Variants in DCDC1 observed in about 807,000 individuals in gnomAD.
DCDC1 encodes the protein doublecortin domain containing 1, also known as doublecortin domain-containing protein 1.
A neutral mutation model predicts 178.3 loss-of-function variants in DCDC1; 200 were observed. The ratio of observed to expected loss-of-function variants is 1.12; its 90% CI spans 1.00 to 1.26. DCDC1 has a LOEUF of 1.26. DCDC1 is among the 50% of genes most tolerant of loss of function. DCDC1 has a pLI of 0.00. For synonymous variants in DCDC1, 690 were observed against 604.8 expected (o/e 1.14, Z -2.07); for missense variants, 1,983 against 1,749.2 (o/e 1.13, Z -2.38).
intron 38 of DCDC1, among the ~76,000 whole-genome samples, chr11:30,868,344 G>A (rs1415370982): frequency 7.0e-6 from 1 of 143,482 alleles, no homozygotes; most frequent in Admixed American, 7.2e-5. Flanking sequence ...TCCGCCTCCC[G>A]GGTTCCAGAG....
chr11:30,992,913 C>T (rs1951069677), intron 20 of DCDC1, among the ~76,000 whole-genome samples: 1 of 151,928 alleles, frequency 6.6e-6, no homozygotes, highest in African/African-American at 2.4e-5. Flanking sequence ...GAAGTCGATC[C>T]AACAAGTATA....
At chr11:30,993,540 T>C (rs1430519805) in intron 20 of DCDC1, among the ~76,000 whole-genome samples, 1 of 152,044 alleles carries the variant, frequency 6.6e-6, no homozygotes, top group Non-Finnish European at 1.5e-5. Flanking sequence ...AATGAAAAAC[T>C]ATTTCTAAAA....
At chr11:31,239,755 T>A (rs1488939535) in intron 9 of DCDC1, among the ~76,000 whole-genome samples, 1 of 151,924 alleles carries the variant, frequency 6.6e-6, no homozygotes, top group Non-Finnish European at 1.5e-5. Context: ...ACTAAAATGT[T>A]AAATTTTGTT....
intron 1 of DCDC1, among the ~76,000 whole-genome samples, chr11:31,351,900 T>A (rs1951094789): frequency 6.6e-6 from 1 of 152,136 alleles, no homozygotes; most frequent in Admixed American, 6.5e-5. Context: ...TTTACAGGTA[T>A]CCAAGTGACT....
In DCDC1 at chr11:31,233,771, G is replaced by A. The variant is rs570081558; in HGVS notation, c.1221+7679C>T. ...AGATCCTGATCATGTTAAAAGATTTGTCACCTTGTTAATCACAGAATGAGG... is the reference window on the plus strand; with the variant it reads ...AGATCCTGATCATGTTAAAAGATTTATCACCTTGTTAATCACAGAATGAGG... On this transcript the variant is annotated intron_variant, in intron 9 of 38. Coordinates refer to ENST00000684477, the MANE Select transcript of DCDC1 (RefSeq NM_001387274.1). Among the ~76,000 whole-genome samples, 98 of 152,244 alleles carry A rather than the reference G, an allele frequency of 6.4e-4. No individual in the cohort carries two copies. The South Asian group carries it at 0.02, about 31-fold the overall frequency.
intron 1 of DCDC1, among the ~76,000 whole-genome samples, chr11:31,342,915 A>C (rs1950619410): frequency 6.6e-6 from 1 of 152,198 alleles, no homozygotes; most frequent in African/African-American, 2.4e-5. Context: ...ACTTTCAGTG[A>C]AAGAGGTAAT....
At chr11:31,203,561 G>A (rs1228927120) in intron 9 of DCDC1, among the ~76,000 whole-genome samples, 2 of 152,058 alleles carry the variant, frequency 1.3e-5, no homozygotes, top group African/African-American at 2.4e-5. Context: ...TACTACCCAG[G>A]GGCTCCCCTG....
chr11:31,365,925 C>T (rs1156772554), intron 1 of DCDC1, among the ~76,000 whole-genome samples: 1 of 152,128 alleles, frequency 6.6e-6, no homozygotes, highest in Non-Finnish European at 1.5e-5. Flanking sequence ...GTCATTTGCT[C>T]TCTTTGGAAA....
At chr11:31,215,195 T>C (rs1323101891) in intron 9 of DCDC1, 1 of 253,136 alleles carries the variant, frequency 4.0e-6, no homozygotes, top group Non-Finnish European at 8.3e-6. Context: ...CTCGGAAGGC[T>C]GAGGCAGGAG....
intron 20 of DCDC1, among the ~76,000 whole-genome samples, chr11:31,043,725 G>A (rs1954629845): frequency 6.6e-6 from 1 of 151,788 alleles, no homozygotes; most frequent in Admixed American, 6.6e-5. Context: ...AGTAGGGTAT[G>A]TGATATTTAA....
chr11:31,310,463 C>G (rs187056796), intron 3 of DCDC1, among the ~76,000 whole-genome samples: 1 of 151,478 alleles, frequency 6.6e-6, no homozygotes, highest in Non-Finnish European at 1.5e-5. Context: ...AGACTACAGG[C>G]GCATGCAACC....
intron 37 of DCDC1, among the ~76,000 whole-genome samples, chr11:30,878,981 T>C (rs1942399001): frequency 6.6e-6 from 1 of 152,058 alleles, no homozygotes; most frequent in Admixed American, 6.6e-5. Flanking sequence ...GTCTAAAAAT[T>C]GCACCCACTG....
chr11:30,989,163 G>A (rs1246560948), intron 20 of DCDC1, among the ~76,000 whole-genome samples: 3 of 152,178 alleles, frequency 2.0e-5, no homozygotes, highest in African/African-American at 7.2e-5. Flanking sequence ...TTGAAAAGGA[G>A]TGTTCAGTGA....
intron 36 of DCDC1, among the ~76,000 whole-genome samples, chr11:30,890,120 A>G (rs687765): frequency 0.012 from 1,761 of 152,326 alleles, 31 homozygotes; most frequent in African/African-American, 0.04. Context: ...AAACCAACCC[A>G]GCTGGCACCT....
At chr11:30,926,486 C>G (rs1476412350) in intron 22 of DCDC1, among the ~76,000 whole-genome samples, 1 of 152,024 alleles carries the variant, frequency 6.6e-6, no homozygotes, top group Non-Finnish European at 1.5e-5. Flanking sequence ...AGGCTGGAGC[C>G]TAGACAGCAA....
At chr11:30,944,297 C>T in intron 21 of DCDC1, 2 of 456,554 alleles carry the variant, frequency 4.4e-6, no homozygotes, top group Non-Finnish European at 8.8e-6. Flanking sequence ...GCTTCATGAA[C>T]TTAGGAACCA....
At chr11:31,130,734 G>C (rs566143281) in intron 10 of DCDC1, among the ~76,000 whole-genome samples, 66 of 152,036 alleles carry the variant, frequency 4.3e-4, no homozygotes, top group Non-Finnish European at 7.9e-4. Context: ...ATTCAAATGA[G>C]AGTCTAGAAA....
intron 11 of DCDC1, among the ~76,000 whole-genome samples, chr11:31,122,969 A>G (rs774443366): frequency 3.9e-5 from 6 of 152,130 alleles, no homozygotes; most frequent in Non-Finnish European, 8.8e-5. Flanking sequence ...TAAATACTTT[A>G]GGCTTTTCAA....
At chr11:30,981,403 T>C (rs1378376619) in intron 20 of DCDC1, among the ~76,000 whole-genome samples, 1 of 152,118 alleles carries the variant, frequency 6.6e-6, no homozygotes, top group Non-Finnish European at 1.5e-5. Flanking sequence ...TTATTATTTG[T>C]AAAGGAATAG....
Sources: gnomAD v4.1 joint callset for allele counts (sites outside exome capture counted in the v4.1 genomes callset) on GRCh38, gnomAD v4.1.1 for gene constraint, MANE v1.5 for transcripts, NCBI Gene and HGNC (gene_info 2026-07-23, HGNC 2026-07-21) for gene names.